GRAMD4: variants seen among roughly 807,000 people sequenced by gnomAD.
GRAMD4 encodes GRAM domain-containing protein 4.
A neutral mutation model predicts 83.9 loss-of-function variants in GRAMD4; 25 were observed. That is an observed-to-expected ratio of 0.30 (90% confidence interval 0.22 to 0.42). The LOEUF (loss-of-function observed/expected upper bound fraction) is 0.42. Among genes scored for constraint, GRAMD4 ranks in the 10% least tolerant of loss-of-function variants. The pLI is 1.00. For synonymous variants in GRAMD4, 336 were observed against 320.9 expected (o/e 1.05, Z -0.50); for missense variants, 593 against 788.7 (o/e 0.75, Z 2.97).
chr22:46,680,595 C>T (rs2082659181), downstream of GRAMD4, among the ~76,000 whole-genome samples: 1 of 144,108 alleles, frequency 6.9e-6, no homozygotes, highest in Non-Finnish European at 1.5e-5. Flanking sequence ...TCCATCCATC[C>T]ACCCACCCAT....
chr22:46,661,326 G>A, intron 4 of GRAMD4, 55 bp from the exon 5 acceptor site: 1 of 1,424,628 alleles, frequency 7.0e-7, no homozygotes, highest in Middle Eastern at 1.7e-4. Context: ...TGCCTGACTG[G>A]GCATGGAGTT....
At chr22:46,644,794 A>G (rs1434976323) in intron 3 of GRAMD4, among the ~76,000 whole-genome samples, 5 of 142,832 alleles carry the variant, frequency 3.5e-5, no homozygotes, top group Non-Finnish European at 7.5e-5. Context: ...GTGCAGTAGC[A>G]CAATCCTGGC....
At chr22:46,608,499 C>T (rs1401871802) in intron 1 of GRAMD4, among the ~76,000 whole-genome samples, 8 of 151,284 alleles carry the variant, frequency 5.3e-5, no homozygotes, top group South Asian at 2.1e-4. Context: ...GGCAACATGG[C>T]GAAACCCCAT....
At chr22:46,639,644 G>T (rs2081946093) in intron 3 of GRAMD4, among the ~76,000 whole-genome samples, 1 of 152,098 alleles carries the variant, frequency 6.6e-6, no homozygotes, top group African/African-American at 2.4e-5. Flanking sequence ...GTGTGTGCGT[G>T]TGCATGCCCG....
chr22:46,668,738 TCCCGCCCCCCAC>T lies in GRAMD4; in HGVS notation c.974+11_974+22del. 1.2e-6 allele frequency: 1 copy of T among 817,932 alleles called. No homozygotes were observed. Among genetic ancestry groups the T allele is most frequent in the Non-Finnish European group, 2.0e-6 (1 of 503,716 alleles). 50.7% of individuals were successfully genotyped at this position (817,932 alleles called of 1,614,324 possible). A position where few individuals can be genotyped will look rare whatever the true frequency, so the allele number is the denominator to read the frequency against. ...ATCCTGGAGAAGATCAAGAAGTAAG[TCCCGCCCCCCAC>T]CCCGGCCCTGCGGCGCCCGCCCGGC... is the stretch of plus-strand genomic sequence containing the variant. On this transcript the variant is annotated splice_region_variant and intron_variant, in intron 12 of 18. Transcript: ENST00000406902.
At chr22:46,605,065 A>G (rs893301130) in intron 1 of GRAMD4, among the ~76,000 whole-genome samples, 1 of 118,696 alleles carries the variant, frequency 8.4e-6, no homozygotes, top group Non-Finnish European at 1.7e-5. Context: ...TTGGTGCCAT[A>G]ATGTTGTCTG....
intron 1 of GRAMD4, among the ~76,000 whole-genome samples, chr22:46,602,205 G>A (rs563706435): frequency 1.3e-5 from 2 of 152,316 alleles, no homozygotes; most frequent in African/African-American, 4.8e-5. Context: ...CACCGCCATC[G>A]TGCGTGTGAG....
In GRAMD4 at chr22:46,679,298, C is replaced by G. The variant is rs1421961103; in HGVS notation, c.*2047C>G. 1.0e-6 allele frequency: 1 copy of G among 985,310 alleles called. No homozygotes were observed. Among genetic ancestry groups the G allele is most frequent in the Non-Finnish European group, 1.2e-6 (1 of 829,940 alleles). 61.0% of individuals were successfully genotyped at this position (985,310 alleles called of 1,614,324 possible). On this transcript the variant is annotated 3_prime_UTR_variant, in exon 19 of 19. Coordinates refer to ENST00000406902, the MANE Select transcript of GRAMD4 (RefSeq NM_015124.5). ...CAGCGTCGGGTGGTTTAGTTCGAGT[C>G]CCTTTTGTGGAGAAAGGGAGATGAA...
At chr22:46,655,661 G>A (rs2147313048) in intron 3 of GRAMD4, among the ~76,000 whole-genome samples, 1 of 152,292 alleles carries the variant, frequency 6.6e-6, no homozygotes, top group African/African-American at 2.4e-5. Context: ...CACAGCCCTG[G>A]GTCAGGGGCC....
chr22:46,680,580 ATC>A (rs2082657209), downstream of GRAMD4, among the ~76,000 whole-genome samples: 1 of 137,232 alleles, frequency 7.3e-6, no homozygotes, highest in Non-Finnish European at 1.6e-5. Context: ...CCATCCATCC[ATC>A]CATCCATCCA....
intron 8 of GRAMD4, 47 bp downstream of exon 8, chr22:46,664,164 G>A: frequency 7.4e-7 from 1 of 1,354,606 alleles, no homozygotes; most frequent in Non-Finnish European, 1.1e-6. Context: ...GGATGTGCCT[G>A]CCAGCATTCA....
At chr22:46,607,759 C>T (rs765600998) in intron 1 of GRAMD4, among the ~76,000 whole-genome samples, 1 of 152,206 alleles carries the variant, frequency 6.6e-6, no homozygotes, top group Non-Finnish European at 1.5e-5. Context: ...GACCGAGTGC[C>T]CTACCACAGC....
At chr22:46,644,317 CCTGTTCCGTGTTACACCTGTTT>C (rs1601622320) in intron 3 of GRAMD4, among the ~76,000 whole-genome samples, 1 of 152,042 alleles carries the variant, frequency 6.6e-6, no homozygotes, top group Non-Finnish European at 1.5e-5. Flanking sequence ...TACACCTGCC[CCTGTTCCGTGTTACACCTGTTT>C]CTGTTCCGTG....
upstream of GRAMD4, among the ~76,000 whole-genome samples, chr22:46,616,262 AG>A (rs1293159859): frequency 9.7e-5 from 2 of 20,724 alleles, 1 homozygote; most frequent in Non-Finnish European, 1.8e-4. Context: ...CCGTGCGTGT[AG>A]GTTCCCCCGT....
At chr22:46,598,044 C>T (rs965142455) in intron 1 of GRAMD4, among the ~76,000 whole-genome samples, 3 of 151,938 alleles carry the variant, frequency 2.0e-5, no homozygotes, top group African/African-American at 7.3e-5. Context: ...TGCAGTGGCA[C>T]AATCCCAGCT....
chr22:46,666,997 G>T (rs6008947), intron 10 of GRAMD4, 124 bp downstream of exon 10: 103,947 of 630,554 alleles, frequency 0.16, 9,981 homozygotes, highest in Middle Eastern at 0.24. Flanking sequence ...TGGAGTCCTG[G>T]CCTGGCCTGA....
intron 3 of GRAMD4, among the ~76,000 whole-genome samples, chr22:46,643,260 C>T (rs1002647860): frequency 7.3e-4 from 7 of 9,576 alleles, no homozygotes; most frequent in African/African-American, 1.8e-3. Flanking sequence ...TCCAACCATC[C>T]GTCCATCCGT....
At chr22:46,633,133 G>T (rs1405030106) in intron 2 of GRAMD4, among the ~76,000 whole-genome samples, 1 of 152,198 alleles carries the variant, frequency 6.6e-6, no homozygotes, top group Non-Finnish European at 1.5e-5. Context: ...GGGTGGCACG[G>T]TCCAACTGTT....
intron 3 of GRAMD4, among the ~76,000 whole-genome samples, chr22:46,652,041 G>A (rs1488916811): frequency 1.5e-4 from 23 of 152,192 alleles, no homozygotes; most frequent in African/African-American, 4.8e-5. Context: ...TGCTTGACAC[G>A]ATTGTCTCGA....
Sources: gnomAD v4.1 joint callset for allele counts (sites outside exome capture counted in the v4.1 genomes callset) on GRCh38, gnomAD v4.1.1 for gene constraint, MANE v1.5 for transcripts, NCBI Gene and HGNC (gene_info 2026-07-23, HGNC 2026-07-21) for gene names.